TFG: variants seen among roughly 807,000 people sequenced by gnomAD.
TFG encodes protein TFG.
A neutral mutation model predicts 51.4 loss-of-function variants in TFG; 22 were observed. The ratio of observed to expected loss-of-function variants is 0.43; its 90% confidence interval spans 0.31 to 0.61. The LOEUF (loss-of-function observed/expected upper bound fraction) is 0.61. Among genes scored for constraint, TFG ranks in the 20% least tolerant of loss-of-function variants. The probability of loss-of-function intolerance (pLI) is 0.12; values close to 1 mark genes in which losing one functional copy is unlikely to be tolerated. For synonymous variants in TFG, 187 were observed against 165.6 expected (o/e 1.13, Z -0.99); for missense variants, 419 against 487.7 (o/e 0.86, Z 1.33).
intron 2 of TFG, among the ~76,000 whole-genome samples, chr3:100,717,035 C>G (rs1459278923): frequency 6.6e-6 from 1 of 152,082 alleles, no homozygotes; most frequent in Non-Finnish European, 1.5e-5. Flanking sequence ...GAAAAGTTTT[C>G]CAGTTTGAGA....
intron 2 of TFG, among the ~76,000 whole-genome samples, chr3:100,714,534 G>A: frequency 6.6e-6 from 1 of 150,902 alleles, no homozygotes; most frequent in East Asian, 1.9e-4. Flanking sequence ...TTTATTAGAA[G>A]GGAATTTTAA....
At chr3:100,732,449 G>T (rs2095094233) in intron 4 of TFG, 59 bp from the exon 5 acceptor site, 13 of 1,251,124 alleles carry the variant, frequency 1.0e-5, no homozygotes, top group Non-Finnish European at 1.5e-5. Flanking sequence ...GTACTTTTAG[G>T]CCTTACTGAA....
intron 1 of TFG, among the ~76,000 whole-genome samples, chr3:100,712,535 C>T (rs2095033992): frequency 6.6e-6 from 1 of 152,120 alleles, no homozygotes. Flanking sequence ...GGAAAATGTT[C>T]AGCGATTATA....
intron 2 of TFG, among the ~76,000 whole-genome samples, chr3:100,717,443 T>G (rs1345011360): frequency 1.3e-5 from 2 of 152,128 alleles, no homozygotes; most frequent in African/African-American, 4.8e-5. Context: ...TTATGAATAA[T>G]TTTATTGGTA....
At chr3:100,741,170 A>T (rs889375181) in intron 6 of TFG, among the ~76,000 whole-genome samples, 3 of 151,528 alleles carry the variant, frequency 2.0e-5, no homozygotes, top group Non-Finnish European at 4.4e-5. Flanking sequence ...CTACTTATTT[A>T]AAAAAAAACA....
In TFG at chr3:100,728,947, G is replaced by A. The variant is rs114195574; in HGVS notation, c.415+89G>A. On this transcript the variant is annotated intron_variant, in intron 4 of 7. Transcript: ENST00000240851. ...ACTCTTTTTAAGTAGGAGAAGGATG[G>A]CATCCCCAATGTCACTCTTGTTTCT... The A allele has an allele frequency of 0.021, 24,789 of 1,178,218 alleles. 315 individuals are homozygous for A. Among genetic ancestry groups the A allele is most frequent in the Middle Eastern group, 0.026 (124 of 4,816 alleles). The allele number at this position is 1,178,218 out of a possible 1,614,324, so 73.0% of individuals were successfully genotyped here. A position where few individuals can be genotyped will look rare whatever the true frequency, so the allele number is the denominator to read the frequency against.
chr3:100,744,548 G>T (rs544362448), intron 6 of TFG: 13 of 254,384 alleles, frequency 5.1e-5, no homozygotes, highest in African/African-American at 2.9e-4. Context: ...TTGGCAGCTG[G>T]GTTGGAAAAC....
chr3:100,729,884 G>T (rs2095086710), intron 4 of TFG, among the ~76,000 whole-genome samples: 1 of 152,094 alleles, frequency 6.6e-6, no homozygotes, highest in East Asian at 1.9e-4. Flanking sequence ...AATGATAGAT[G>T]TTTAATAAAT....
Position 100,748,485 on chromosome 3 carries a change from C to T in TFG, c.1157C>T (p.Pro386Leu), listed in dbSNP as rs766049461. 10 of 1,614,016 alleles carry T rather than the reference C, an allele frequency of 6.2e-6. No individual in the cohort carries two copies. Among genetic ancestry groups the T allele is most frequent in the Non-Finnish European group, 8.5e-6 (10 of 1,179,960 alleles). The change falls in exon 8 of 8, where the codon CCT becomes CTT. Residue 386 changes from proline to leucine, a missense_variant. Physicochemically the swap from Pro to Leu is moderately conservative, Grantham distance 98 (BLOSUM62 -3). Coordinates refer to ENST00000240851, the MANE Select transcript of TFG (RefSeq NM_006070.6). ...CCTAATCCTTATGCGCGTAACCGTC[C>T]TCCCTTTGGTCAGGGCTATACCCAA... is the stretch of plus-strand genomic sequence containing the variant. Reference protein sequence around the residue: ...SGPNPYARNRPPFGQGYTQPG... With the variant: ...SGPNPYARNRLPFGQGYTQPG...
At chr3:100,731,340 C>CT (rs975797969) in intron 4 of TFG, among the ~76,000 whole-genome samples, 5 of 152,086 alleles carry the variant, frequency 3.3e-5, no homozygotes, top group African/African-American at 1.2e-4. Flanking sequence ...TTCTTGAACT[C>CT]TTTTTCTTTC....
intron 5 of TFG, among the ~76,000 whole-genome samples, chr3:100,734,242 T>C (rs2095100042): frequency 6.6e-6 from 1 of 152,194 alleles, no homozygotes; most frequent in South Asian, 2.1e-4. Context: ...AACTGCTCCT[T>C]CTTTCTCCCT....
At position 100,713,570 on chromosome 3, in the gene TFG, CATCTA is replaced by C. The variant is rs202077935; in HGVS notation, c.-43-70_-43-66del. 9.1e-3 allele frequency: 5,517 copies of C among 605,210 alleles called. 235 individuals carry two copies. In the African/African-American group the frequency reaches 0.093, roughly 10 times the overall value. 37.5% of individuals were successfully genotyped at this position (605,210 alleles called of 1,614,324 possible). Reference sequence around the variant, plus strand: ...TCTTTTGGAGGCTAGAGTTTCTTAGCATCTAATAGTAGCTTTGCTCTCAACTTTTA... The same window carrying C: ...TCTTTTGGAGGCTAGAGTTTCTTAGCATAGTAGCTTTGCTCTCAACTTTTA... On this transcript the variant is annotated intron_variant, in intron 1 of 7. Coordinates refer to ENST00000240851, the MANE Select transcript of TFG (RefSeq NM_006070.6).
In TFG at chr3:100,748,303, T is replaced by A; in HGVS notation, c.975T>A (p.Pro325=). The change falls in exon 8 of 8, where the codon CCT becomes CCA. Residue 325 remains proline, a synonymous_variant. Transcript: ENST00000240851. The part of the protein sequence containing the change: ...PPQQYQASNY[P]AQTYTAQTSQ... ...AGCAGTACCAGGCGAGCAATTATCC[T>A]GCACAAACTTACACTGCCCAAACTT... 1 of 1,614,086 alleles carries A rather than the reference T, an allele frequency of 6.2e-7. No homozygotes were observed. Among genetic ancestry groups the A allele is most frequent in the Non-Finnish European group, 8.5e-7 (1 of 1,179,996 alleles).
chr3:100,739,861 C>G (rs2095116574), intron 6 of TFG, among the ~76,000 whole-genome samples: 1 of 152,042 alleles, frequency 6.6e-6, no homozygotes, highest in African/African-American at 2.4e-5. Flanking sequence ...AACAGTGATT[C>G]TTTTTATTTT....
rs1294005652 is a variant in TFG at position 100,744,708 on chromosome 3, A to T, written c.722-125A>T. On this transcript the variant is annotated intron_variant, in intron 6 of 7. Coordinates refer to ENST00000240851, the MANE Select transcript of TFG (RefSeq NM_006070.6). ...CTTCATAGACATTTAAAGTTGAACA[A>T]ATACTTTCTTGTATATTGTTACTCT... 13 of 598,568 alleles carry T rather than the reference A, an allele frequency of 2.2e-5. No individual in the cohort carries two copies. In the East Asian group the frequency reaches 3.7e-4, roughly 17 times the overall value. 37.1% of individuals were successfully genotyped at this position (598,568 alleles called of 1,614,324 possible).
In TFG at chr3:100,713,627, A is replaced by G. The variant is rs1260303066; in HGVS notation, c.-43-16A>G. On this transcript the variant is annotated splice_polypyrimidine_tract_variant and intron_variant, in intron 1 of 7. Transcript: ENST00000240851. The stretch of plus-strand genomic sequence containing the variant: ...GGTATGTTTTGTTGTTTAATTATCA[A>G]AACCACTTTTATCAGTCTTTCTCTA... 7 of 1,293,560 alleles carry G rather than the reference A, an allele frequency of 5.4e-6. No individual in the cohort carries two copies. The highest frequency in any genetic ancestry group is 6.2e-6 in the Non-Finnish European group (6 of 972,360). The allele number at this position is 1,293,560 out of a possible 1,614,324, so 80.1% of individuals were successfully genotyped here. A position where few individuals can be genotyped will look rare whatever the true frequency, so the allele number is the denominator to read the frequency against.
rs149148159 is a variant in TFG at position 100,742,155 on chromosome 3, G to T, written c.722-2678G>T. Among the ~76,000 whole-genome samples the T allele has an allele frequency of 3.5e-3, 534 of 152,038 alleles. 3 individuals carry two copies. The highest frequency in any genetic ancestry group is 0.012 in the African/African-American group (513 of 41,464). On this transcript the variant is annotated intron_variant, in intron 6 of 7. Transcript: ENST00000240851. ...AAACAGACTTCTTAATTAATTTTCA[G>T]AATACTGTGACAGTCCCATTTGGAC...
Position 100,728,692 on chromosome 3 carries a change from A to G in TFG, c.269-20A>G, listed in dbSNP as rs2095082731. On this transcript the variant is annotated intron_variant, in intron 3 of 7. Transcript: ENST00000240851. ...ATTCATGAACTTCTAATTTTAAGCA[A>G]ATAAATGTTTTTATTTCAGTTAATG... The G allele has an allele frequency of 1.3e-6, 2 of 1,569,328 alleles. No homozygotes were observed. The highest frequency in any genetic ancestry group is 2.4e-5 in the South Asian group (2 of 83,910).
intron 2 of TFG, among the ~76,000 whole-genome samples, chr3:100,716,199 C>G (rs2095045944): frequency 6.6e-6 from 1 of 152,178 alleles, no homozygotes. Flanking sequence ...TTTAATAAAT[C>G]TCTCCCTATC....
Sources: gnomAD v4.1 joint callset for allele counts (sites outside exome capture counted in the v4.1 genomes callset) on GRCh38, gnomAD v4.1.1 for gene constraint, MANE v1.5 for transcripts, NCBI Gene and HGNC (gene_info 2026-07-23, HGNC 2026-07-21) for gene names.